MAGI2: variants seen among roughly 807,000 people sequenced by gnomAD.
MAGI2 encodes the protein membrane associated guanylate kinase, WW and PDZ domain containing 2.
MAGI2 carries 35 observed loss-of-function variants against 133.3 expected under a neutral mutation model. The ratio of observed to expected loss-of-function variants is 0.26; its 90% CI spans 0.20 to 0.35. The LOEUF is 0.35. Among genes scored for constraint, MAGI2 ranks in the 10% least tolerant of loss-of-function variants. MAGI2 has a pLI of 1.00. For synonymous variants in MAGI2, 729 were observed against 710.6 expected, an observed-to-expected ratio of 1.03 and a Z score of -0.41; for missense variants, 1,636 against 1,863.4, an observed-to-expected ratio of 0.88 and a Z score of 2.25.
intron 2 of MAGI2, among the ~76,000 whole-genome samples, chr7:78,724,482 G>A (rs1239581288): frequency 1.3e-5 from 2 of 152,172 alleles, no homozygotes; most frequent in East Asian, 3.9e-4. Flanking sequence ...TTAAAAATGA[G>A]AAGGTGCAGG....
chr7:78,309,263 A>G (rs1473353913), intron 9 of MAGI2, among the ~76,000 whole-genome samples: 2 of 152,248 alleles, frequency 1.3e-5, no homozygotes, highest in Non-Finnish European at 2.9e-5. Flanking sequence ...CACTATTCAC[A>G]ATAGCGAAGA....
At chr7:79,351,294 T>TATCATAGGACATACCAGA (rs1841675052) in intron 1 of MAGI2, among the ~76,000 whole-genome samples, 1 of 152,160 alleles carries the variant, frequency 6.6e-6, no homozygotes, top group Admixed American at 6.5e-5. Context: ...CTGTTTTGTC[T>TATCATAGGACATACCAGA]TGGTATGCAT....
chr7:78,779,246 C>CT (rs71085567), intron 2 of MAGI2, among the ~76,000 whole-genome samples: 8 of 151,602 alleles, frequency 5.3e-5, no homozygotes, highest in East Asian at 3.9e-4. Flanking sequence ...CAAACAGCAA[C>CT]TTTTTTTTTC....
intron 1 of MAGI2, among the ~76,000 whole-genome samples, chr7:79,191,638 GA>G (rs1827685495): frequency 6.6e-6 from 1 of 150,860 alleles, no homozygotes; most frequent in African/African-American, 2.4e-5. Flanking sequence ...TTGCTACTGT[GA>G]ATGTGATTTT....
intron 2 of MAGI2, among the ~76,000 whole-genome samples, chr7:78,800,683 A>T (rs1180543826): frequency 6.6e-6 from 1 of 152,092 alleles, no homozygotes; most frequent in Non-Finnish European, 1.5e-5. Flanking sequence ...TTATAATGAC[A>T]CCACTCTGTG....
At chr7:79,139,244 C>G (rs1303534961) in intron 1 of MAGI2, among the ~76,000 whole-genome samples, 2 of 152,146 alleles carry the variant, frequency 1.3e-5, no homozygotes, top group East Asian at 3.8e-4. Context: ...ACCCAAGTTC[C>G]TATTATTTCT....
In MAGI2 at chr7:79,453,610, TCGGCGG is replaced by T. The variant is rs922819183; in HGVS notation, c.-296_-291del. On this transcript the variant is annotated 5_prime_UTR_variant, in exon 1 of 22. Coordinates refer to ENST00000354212, the MANE Select transcript of MAGI2 (RefSeq NM_012301.4). ...AGCAGAGGAAGCAGTGGTGGTGGCG[TCGGCGG>T]CGGCGGCGGCGGCAGCCGGAGCGAG... is the stretch of plus-strand genomic sequence containing the variant. 3.8e-5 allele frequency: 38 copies of T among 1,012,948 alleles called. No individual in the cohort carries two copies. The highest frequency in any genetic ancestry group is 3.8e-5 in the Non-Finnish European group (32 of 846,866). The allele number at this position is 1,012,948 out of a possible 1,614,324, so 62.7% of individuals were successfully genotyped here.
chr7:78,479,283 T>C (rs1382866481), intron 6 of MAGI2, among the ~76,000 whole-genome samples: 3 of 151,956 alleles, frequency 2.0e-5, no homozygotes, highest in African/African-American at 7.2e-5. Context: ...CCAAATAATG[T>C]TTGCTCTATT....
rs560866713 is a variant in MAGI2 at position 79,453,656 on chromosome 7, G to T, written c.-336C>A. On this transcript the variant is annotated 5_prime_UTR_variant, in exon 1 of 22. Coordinates refer to ENST00000354212, the MANE Select transcript of MAGI2 (RefSeq NM_012301.4). ...GCCGGAGCGAGCAGTAGCCGAGCTG[G>T]TGAGCGGGTGTGGTGGGGGTGGGGA... The T allele has an allele frequency of 2.8e-5, 14 of 497,040 alleles. No individual in the cohort carries two copies. The highest frequency in any genetic ancestry group is 2.5e-4 in the African/African-American group (12 of 48,364). 30.8% of individuals were successfully genotyped at this position (497,040 alleles called of 1,614,324 possible).
intron 1 of MAGI2, among the ~76,000 whole-genome samples, chr7:79,223,743 T>C (rs2129553615): frequency 1.3e-5 from 2 of 152,176 alleles, no homozygotes; most frequent in East Asian, 1.9e-4. Context: ...CAGATTATCG[T>C]AACAAAAAGA....
At chr7:78,491,740 T>G (rs960557881) in intron 5 of MAGI2, among the ~76,000 whole-genome samples, 1 of 152,032 alleles carries the variant, frequency 6.6e-6, no homozygotes, top group Non-Finnish European at 1.5e-5. Context: ...AACTAAAGAC[T>G]TGAAGCTTGA....
At chr7:78,049,054 A>G (rs188415455) in intron 21 of MAGI2, among the ~76,000 whole-genome samples, 19 of 151,556 alleles carry the variant, frequency 1.3e-4, no homozygotes, top group African/African-American at 4.4e-4. Flanking sequence ...GTTGCAGTGA[A>G]CTGAGATTGC....
intron 2 of MAGI2, among the ~76,000 whole-genome samples, chr7:78,641,820 C>T (rs896627262): frequency 6.6e-6 from 1 of 152,050 alleles, no homozygotes; most frequent in Admixed American, 6.6e-5. Context: ...GAGGATTGTT[C>T]TTATGCAATC....
At chr7:78,115,824 A>T (rs954145629) in intron 20 of MAGI2, among the ~76,000 whole-genome samples, 6 of 152,230 alleles carry the variant, frequency 3.9e-5, no homozygotes, top group Non-Finnish European at 8.8e-5. Context: ...CATTTCCATC[A>T]AAAAAAGTCA....
At chr7:79,231,031 A>C (rs1383733875) in intron 1 of MAGI2, among the ~76,000 whole-genome samples, 1 of 133,876 alleles carries the variant, frequency 7.5e-6, no homozygotes, top group East Asian at 2.1e-4. Flanking sequence ...TTTTCCCAGC[A>C]CTATTTATTA....
intron 2 of MAGI2, among the ~76,000 whole-genome samples, chr7:78,677,719 TG>T (rs1815200097): frequency 6.6e-6 from 1 of 152,130 alleles, no homozygotes; most frequent in Non-Finnish European, 1.5e-5. Flanking sequence ...TAGAACTCTT[TG>T]GCATTTATTA....
At chr7:79,452,800 G>A (rs1434288988) in intron 1 of MAGI2, 3 of 564,264 alleles carry the variant, frequency 5.3e-6, no homozygotes, top group African/African-American at 3.8e-5. Flanking sequence ...GTCTAACTGA[G>A]CAAACAAAGT....
At chr7:78,574,062 T>C (rs371106081) in intron 3 of MAGI2, among the ~76,000 whole-genome samples, 1 of 152,196 alleles carries the variant, frequency 6.6e-6, no homozygotes, top group African/African-American at 2.4e-5. Context: ...TTTGGCTAGA[T>C]TGAGTAAGAA....
rs534853816 is a variant in MAGI2, at chr7:78,569,283, C to A, written c.539-47638G>T. On this transcript the variant is annotated intron_variant, in intron 3 of 21. Coordinates refer to ENST00000354212, the MANE Select transcript of MAGI2 (RefSeq NM_012301.4). Reference sequence around the variant, plus strand: ...AATACAAGCTTTATGAGATCAATAACTTTTTCTGTTCTGTTAAAACATATT... The same window carrying A: ...AATACAAGCTTTATGAGATCAATAAATTTTTCTGTTCTGTTAAAACATATT... 3.3e-4 allele frequency among the ~76,000 whole-genome samples: 50 copies of A among 152,204 alleles called. 2 individuals are homozygous for A. The highest frequency in any genetic ancestry group is 1.0e-3 in the African/African-American group (42 of 41,506).
Sources: gnomAD v4.1 joint callset for allele counts (sites outside exome capture counted in the v4.1 genomes callset) on GRCh38, gnomAD v4.1.1 for gene constraint, MANE v1.5 for transcripts, NCBI Gene and HGNC (gene_info 2026-07-23, HGNC 2026-07-21) for gene names.